The following USP15 variants were observed in gnomAD, a reference collection of about 807,000 sequenced individuals.
The protein encoded by USP15 is ubiquitin carboxyl-terminal hydrolase 15.
Under a neutral mutation model 127.1 loss-of-function variants are expected in USP15, and 18 were observed. That is an observed-to-expected ratio of 0.14 (90% CI 0.10 to 0.21). The LOEUF is 0.21. Among genes scored for constraint, USP15 ranks in the 10% least tolerant of loss-of-function variants. The probability of loss-of-function intolerance (pLI) is 1.00; values close to 1 mark genes in which losing one functional copy is unlikely to be tolerated. For missense variants in USP15, 805 were observed against 1,159.9 expected (o/e 0.69, Z 4.44); for synonymous variants, 364 against 393.7 (o/e 0.92, Z 0.89).
intron 6 of USP15, chr12:62,335,262 C>A: frequency 1.3e-6 from 2 of 1,517,856 alleles, no homozygotes; most frequent in Non-Finnish European, 1.8e-6. Flanking sequence ...ACAGACTGAC[C>A]AGTCAACCCC....
chr12:62,357,085 T>A (rs192374897), intron 8 of USP15, among the ~76,000 whole-genome samples: 7 of 152,188 alleles, frequency 4.6e-5, no homozygotes, highest in Admixed American at 4.6e-4. Flanking sequence ...ATCTTGGTGC[T>A]TTTTCATAAA....
chr12:62,371,357 G>C (rs929948097), intron 8 of USP15, among the ~76,000 whole-genome samples: 2 of 152,120 alleles, frequency 1.3e-5, no homozygotes, highest in Non-Finnish European at 2.9e-5. Context: ...AATTGTGAAA[G>C]CAGAGGCTAT....
In USP15 at chr12:62,415,351, T is replaced by G. The variant is rs2137726825; in HGVS notation, c.*10976T>G. ...GAGCCACCAACATTAGAGAGGGCAA[T>G]CTGCCTTACTCAGTCTACTGACTTA... On this transcript the variant is annotated 3_prime_UTR_variant, in exon 22 of 22. Coordinates refer to ENST00000280377, the MANE Select transcript of USP15 (RefSeq NM_001252078.2). 6.6e-6 allele frequency: 1 copy of G among 152,352 alleles called. No individual in the cohort carries two copies. The highest frequency in any genetic ancestry group is 1.5e-5 in the Non-Finnish European group (1 of 68,042). The allele number at this position is 152,352 out of a possible 1,614,324, so 9.4% of individuals were successfully genotyped here. A position where few individuals can be genotyped will look rare whatever the true frequency, so the allele number is the denominator to read the frequency against.
chr12:62,305,365 C>T (rs2064452450), intron 3 of USP15, among the ~76,000 whole-genome samples: 1 of 152,006 alleles, frequency 6.6e-6, no homozygotes, highest in Non-Finnish European at 1.5e-5. Flanking sequence ...CAAGAGAAAC[C>T]ATGGAAGCCA....
At chr12:62,371,667 A>C (rs1263578488) in intron 8 of USP15, among the ~76,000 whole-genome samples, 1 of 152,180 alleles carries the variant, frequency 6.6e-6, no homozygotes, top group East Asian at 1.9e-4. Context: ...TTTTTAAAAA[A>C]TTAGTCCTTT....
chr12:62,340,821 C>A (rs2065623656), intron 6 of USP15, among the ~76,000 whole-genome samples: 1 of 151,376 alleles, frequency 6.6e-6, no homozygotes, highest in Non-Finnish European at 1.5e-5. Context: ...AGAATAAGTG[C>A]CATGCGGTGC....
At chr12:62,311,521 G>T (rs930898435) in intron 3 of USP15, among the ~76,000 whole-genome samples, 12 of 151,668 alleles carry the variant, frequency 7.9e-5, no homozygotes, top group Non-Finnish European at 1.2e-4. Context: ...ATGAATGGGG[G>T]TTGTTGTGTT....
chr12:62,402,383 G>T (rs1369399792), intron 21 of USP15, among the ~76,000 whole-genome samples: 1 of 151,988 alleles, frequency 6.6e-6, no homozygotes, highest in Admixed American at 6.6e-5. Context: ...ATTACAGCAT[G>T]ATAAGTACTA....
intron 8 of USP15, among the ~76,000 whole-genome samples, chr12:62,380,383 A>G (rs999054230): frequency 5.3e-5 from 8 of 152,064 alleles, no homozygotes; most frequent in East Asian, 1.9e-4. Context: ...TAAACAATGC[A>G]TAGTATATAG....
intron 21 of USP15, among the ~76,000 whole-genome samples, chr12:62,403,148 C>T (rs2067747335): frequency 6.6e-6 from 1 of 151,940 alleles, no homozygotes; most frequent in Non-Finnish European, 1.5e-5. Flanking sequence ...TTGTTGGACT[C>T]ATAAGACAGG....
chr12:62,268,469 T>G (rs898141125), intron 1 of USP15, among the ~76,000 whole-genome samples: 2 of 152,164 alleles, frequency 1.3e-5, no homozygotes, highest in African/African-American at 2.4e-5. Flanking sequence ...TTTGTGAGTC[T>G]TCTTGTTTTA....
rs1048098673 is a variant in USP15, at chr12:62,336,054, G to A, written c.683+10121G>A. ...TGTGATAGGCCCTCCTTGGCACGGTGCAGTGCAGCTTCACTAACTGTTTGC... is the reference window on the plus strand; with the variant it reads ...TGTGATAGGCCCTCCTTGGCACGGTACAGTGCAGCTTCACTAACTGTTTGC... On this transcript the variant is annotated intron_variant, in intron 6 of 21. Coordinates refer to ENST00000280377, the MANE Select transcript of USP15 (RefSeq NM_001252078.2). The A allele has an allele frequency of 6.1e-6, 6 of 984,828 alleles. No homozygotes were observed. The African/African-American group carries it at 7.0e-5, about 11-fold the overall frequency. 61.0% of individuals were successfully genotyped at this position (984,828 alleles called of 1,614,324 possible). A position where few individuals can be genotyped will look rare whatever the true frequency, so the allele number is the denominator to read the frequency against.
At chr12:62,279,323 A>G (rs2063584579) in intron 1 of USP15, among the ~76,000 whole-genome samples, 1 of 152,160 alleles carries the variant, frequency 6.6e-6, no homozygotes, top group Non-Finnish European at 1.5e-5. Flanking sequence ...TGCATATGGC[A>G]GGATTTTCTT....
chr12:62,260,972 C>T (rs551235618), intron 1 of USP15, among the ~76,000 whole-genome samples: 2 of 152,202 alleles, frequency 1.3e-5, no homozygotes, highest in African/African-American at 4.8e-5. Context: ...TCTTGGTCTT[C>T]CGGGAGGCAG....
At chr12:62,295,312 G>C (rs946840438) in intron 2 of USP15, among the ~76,000 whole-genome samples, 7 of 152,182 alleles carry the variant, frequency 4.6e-5, no homozygotes, top group African/African-American at 1.7e-4. Context: ...ACATAATTTA[G>C]AGTAGACTTC....
chr12:62,368,442 C>CT (rs2066552506), intron 8 of USP15, among the ~76,000 whole-genome samples: 4 of 152,172 alleles, frequency 2.6e-5, no homozygotes, highest in African/African-American at 9.7e-5. Context: ...GTGTGAGAGT[C>CT]TAAGTCTCTT....
chr12:62,330,171 A>G (rs1007506963), intron 6 of USP15, among the ~76,000 whole-genome samples: 3 of 152,182 alleles, frequency 2.0e-5, no homozygotes, highest in African/African-American at 4.8e-5. Context: ...GAGTAGAGAT[A>G]ATAGGAGGAA....
chr12:62,313,371 A>G (rs2064740120), intron 3 of USP15, among the ~76,000 whole-genome samples: 2 of 151,788 alleles, frequency 1.3e-5, no homozygotes, highest in East Asian at 1.9e-4. Context: ...TTTTTTAACC[A>G]TACTTATTCC....
At chr12:62,388,470 G>T (rs1429069337) in intron 11 of USP15, among the ~76,000 whole-genome samples, 2 of 152,134 alleles carry the variant, frequency 1.3e-5, no homozygotes, top group Non-Finnish European at 2.9e-5. Context: ...ATAAATGAGA[G>T]AATAACCACA....
Sources: allele counts gnomAD v4.1 joint callset (sites outside exome capture counted in the v4.1 genomes callset), GRCh38; gene constraint gnomAD v4.1.1; transcripts MANE v1.5; gene names NCBI Gene and HGNC (gene_info 2026-07-23, HGNC 2026-07-21).